The following PTPRK variants were observed in gnomAD, a reference collection of about 807,000 sequenced individuals.
The protein encoded by PTPRK is receptor-type tyrosine-protein phosphatase kappa.
In PTPRK, 75 loss-of-function variants were observed where a neutral mutation model predicts 178.0. The observed-to-expected ratio is 0.42, with a 90% CI of 0.35 to 0.51. The LOEUF is 0.51. Ranked by LOEUF, PTPRK falls within the 20% of genes least tolerant of loss-of-function variation. The pLI, the probability that PTPRK is intolerant of heterozygous loss-of-function variation, is 0.02. For synonymous variants in PTPRK, 637 were observed against 620.6 expected (o/e 1.03, Z -0.39); for missense variants, 1,441 against 1,797.8 (o/e 0.80, Z 3.59).
At chr6:128,015,977 T>G (rs1049898042) in intron 13 of PTPRK, among the ~76,000 whole-genome samples, 1 of 151,880 alleles carries the variant, frequency 6.6e-6, no homozygotes, top group African/African-American at 2.4e-5. Flanking sequence ...ATTTGATTAC[T>G]ACTAAAATGA....
At chr6:127,996,007 A>C (rs1035459556) in intron 17 of PTPRK, among the ~76,000 whole-genome samples, 9 of 152,096 alleles carry the variant, frequency 5.9e-5, no homozygotes, top group Non-Finnish European at 1.3e-4. Flanking sequence ...AGATACTTTA[A>C]AATAATTTAA....
At chr6:128,386,661 C>A (rs891859219) in intron 2 of PTPRK, among the ~76,000 whole-genome samples, 1 of 152,160 alleles carries the variant, frequency 6.6e-6, no homozygotes, top group African/African-American at 2.4e-5. Context: ...CTAATGAAAT[C>A]TTCAAATAGA....
chr6:128,422,338 CA>C (rs764489276), intron 1 of PTPRK, among the ~76,000 whole-genome samples: 5 of 151,986 alleles, frequency 3.3e-5, no homozygotes, highest in African/African-American at 7.3e-5. Context: ...ACTCAATGGT[CA>C]TACTACTGCA....
intron 25 of PTPRK, among the ~76,000 whole-genome samples, chr6:127,977,537 C>A (rs1329348620): frequency 6.6e-6 from 1 of 152,122 alleles, no homozygotes; most frequent in Non-Finnish European, 1.5e-5. Flanking sequence ...TTACTCTTCT[C>A]CACTCCAAAT....
chr6:128,242,440 G>A, intron 4 of PTPRK, 81 bp downstream of exon 4: 1 of 1,539,250 alleles, frequency 6.5e-7, no homozygotes, highest in Non-Finnish European at 8.7e-7. Context: ...AAAACCAAGT[G>A]ATAAACAATC....
chr6:128,339,173 A>T (rs1388832500), intron 2 of PTPRK, among the ~76,000 whole-genome samples: 1 of 152,174 alleles, frequency 6.6e-6, no homozygotes, highest in Non-Finnish European at 1.5e-5. Context: ...ACAGAGGACA[A>T]GGGAAATAAA....
chr6:128,500,367 G>T (rs533660510), intron 1 of PTPRK, among the ~76,000 whole-genome samples: 1 of 152,032 alleles, frequency 6.6e-6, no homozygotes, highest in Admixed American at 6.6e-5. Context: ...AAAATTTGGG[G>T]GGGGGAGTCT....
chr6:128,133,290 A>G (rs1390541862), intron 7 of PTPRK, among the ~76,000 whole-genome samples: 1 of 152,206 alleles, frequency 6.6e-6, no homozygotes, highest in African/African-American at 2.4e-5. Flanking sequence ...TCAGGTTTAA[A>G]ATTTGTATTA....
chr6:128,065,368 C>G (rs1046316457), intron 12 of PTPRK, among the ~76,000 whole-genome samples: 2 of 152,098 alleles, frequency 1.3e-5, no homozygotes, highest in Non-Finnish European at 2.9e-5. Context: ...CCTCCTCTTG[C>G]TAGACAGAGC....
At chr6:128,401,670 C>T (rs1415116414) in intron 1 of PTPRK, among the ~76,000 whole-genome samples, 3 of 152,132 alleles carry the variant, frequency 2.0e-5, no homozygotes, top group Non-Finnish European at 2.9e-5. Context: ...AATTTTCTGA[C>T]TGAGTACAGT....
At chr6:128,100,750 CT>C (rs1385586647) in intron 7 of PTPRK, among the ~76,000 whole-genome samples, 1 of 151,802 alleles carries the variant, frequency 6.6e-6, no homozygotes, top group Non-Finnish European at 1.5e-5. Context: ...CATTTCTTTA[CT>C]TTTGAAAAGG....
chr6:128,396,726 G>A (rs373794861), intron 2 of PTPRK, among the ~76,000 whole-genome samples: 33 of 152,220 alleles, frequency 2.2e-4, no homozygotes, highest in African/African-American at 5.8e-4. Context: ...GATGCTGGGC[G>A]CGGTGGCTCA....
intron 3 of PTPRK, among the ~76,000 whole-genome samples, chr6:128,273,794 C>A (rs1380888525): frequency 6.6e-6 from 1 of 152,086 alleles, no homozygotes; most frequent in East Asian, 1.9e-4. Context: ...GCATAAGTCG[C>A]AATTTATCAC....
chr6:128,470,805 A>C (rs1850544289), intron 1 of PTPRK, among the ~76,000 whole-genome samples: 1 of 147,188 alleles, frequency 6.8e-6, no homozygotes, highest in Non-Finnish European at 1.5e-5. Context: ...AACTATTACA[A>C]GTCTGGGCTA....
intron 1 of PTPRK, among the ~76,000 whole-genome samples, chr6:128,475,596 G>A (rs1851275108): frequency 6.6e-6 from 1 of 151,960 alleles, no homozygotes; most frequent in Non-Finnish European, 1.5e-5. Context: ...AAGAACCAAG[G>A]CCAACTGGCA....
At chr6:128,154,055 T>C (rs1276110599) in intron 7 of PTPRK, among the ~76,000 whole-genome samples, 3 of 151,804 alleles carry the variant, frequency 2.0e-5, no homozygotes, top group African/African-American at 7.2e-5. Context: ...GAGCAGGCCA[T>C]GATTGTGACA....
chr6:127,981,017 G>T, intron 25 of PTPRK, 99 bp downstream of exon 25: 3 of 1,188,048 alleles, frequency 2.5e-6, no homozygotes, highest in Non-Finnish European at 3.4e-6. Context: ...TTCCTTTTTA[G>T]GTTATTTTAA....
chr6:128,216,892 A>G (rs1809411405), intron 6 of PTPRK, among the ~76,000 whole-genome samples: 1 of 152,144 alleles, frequency 6.6e-6, no homozygotes, highest in South Asian at 2.1e-4. Flanking sequence ...ACTTTTCTGG[A>G]AAAAAATGTA....
chr6:128,474,337 A>T (rs2128420337), intron 1 of PTPRK, among the ~76,000 whole-genome samples: 1 of 152,154 alleles, frequency 6.6e-6, no homozygotes, highest in Admixed American at 6.6e-5. Context: ...GACTTAAGAC[A>T]TTCACAAAAG....
Sources: allele counts gnomAD v4.1 joint callset (sites outside exome capture counted in the v4.1 genomes callset), GRCh38; gene constraint gnomAD v4.1.1; transcripts MANE v1.5; gene names NCBI Gene and HGNC (gene_info 2026-07-23, HGNC 2026-07-21).